Variants in UROC1 observed in about 807,000 individuals in gnomAD.
The protein encoded by UROC1 is urocanate hydratase.
A neutral mutation model predicts 89.5 loss-of-function variants in UROC1; 79 were observed. That is an observed-to-expected ratio of 0.88 (90% confidence interval 0.74 to 1.06). UROC1 has a LOEUF of 1.06. Ranked by LOEUF, UROC1 falls within the 50% of genes least tolerant of loss-of-function variation. The probability of loss-of-function intolerance (pLI) is 0.00; values close to 1 mark genes in which losing one functional copy is unlikely to be tolerated. For missense variants in UROC1, 885 were observed against 907.8 expected (o/e 0.97, Z 0.32); for synonymous variants, 361 against 354.8 (o/e 1.02, Z -0.20).
At chr3:126,504,144 A>G in intron 8 of UROC1, 61 bp from the exon 9 acceptor site, 1 of 1,553,148 alleles carries the variant, frequency 6.4e-7, no homozygotes, top group Non-Finnish European at 8.9e-7. Flanking sequence ...ATCTTCCCTA[A>G]GTGTATCATC....
chr3:126,489,331 G>A lies in UROC1; in HGVS notation c.1653C>T (p.Thr551=), dbSNP rs150326122. The A allele has an allele frequency of 1.8e-3, 2,927 of 1,613,554 alleles. 48 individuals carry two copies. The African/African-American group carries it at 0.035, about 19-fold the overall frequency. The change falls in exon 17 of 20, where the codon ACC becomes ACT. Residue 551 remains threonine, a synonymous_variant. Transcript: ENST00000290868. ...TGGAGGTCTCCCTAAAGGGGCTGTC[G>A]GTGCCGCTCACGTCATGGTGATCTC... ...LSRDHHDVSG[T]DSPFRETSNI...
At chr3:126,507,874 T>C in intron 5 of UROC1, 71 bp from the exon 6 acceptor site, 1 of 1,612,976 alleles carries the variant, frequency 6.2e-7, no homozygotes, top group Non-Finnish European at 8.5e-7. Context: ...CTGGGGATGA[T>C]GCACAGCGTT....
intron 1 of UROC1, among the ~76,000 whole-genome samples, chr3:126,513,161 T>TGTGTGA (rs1936230618): frequency 6.6e-6 from 1 of 152,116 alleles, no homozygotes. Flanking sequence ...TGTGTGTGTG[T>TGTGTGA]GTGTGTGTTC....
chr3:126,516,962 C>T (rs1204048444), intron 1 of UROC1, among the ~76,000 whole-genome samples: 1 of 151,874 alleles, frequency 6.6e-6, no homozygotes, highest in Non-Finnish European at 1.5e-5. Context: ...TCTATATAAC[C>T]GTGTCACCTA....
intron 9 of UROC1, among the ~76,000 whole-genome samples, chr3:126,502,765 TTG>T (rs1346576442): frequency 4.2e-5 from 6 of 142,470 alleles, no homozygotes; most frequent in Admixed American, 4.2e-4. Context: ...TTGTGTGTGT[TTG>T]TGTGTGCAAG....
At chr3:126,500,573 A>T in intron 11 of UROC1, 122 bp downstream of exon 11, 2 of 1,193,296 alleles carry the variant, frequency 1.7e-6, no homozygotes, top group Non-Finnish European at 2.5e-6. Context: ...AGAGGCTCAG[A>T]GAGGTTAAGG....
At chr3:126,496,922 G>A (rs1935790230) in intron 14 of UROC1, among the ~76,000 whole-genome samples, 1 of 152,134 alleles carries the variant, frequency 6.6e-6, no homozygotes, top group African/African-American at 2.4e-5. Flanking sequence ...AGCCAGGCCT[G>A]GAGTCTTTAC....
chr3:126,487,971 T>C (rs994770265), intron 18 of UROC1, among the ~76,000 whole-genome samples: 2 of 152,196 alleles, frequency 1.3e-5, no homozygotes, highest in Non-Finnish European at 2.9e-5. Flanking sequence ...GAGACCCATG[T>C]GGCAGGGGAG....
chr3:126,488,598 G>C (rs1935570834), intron 17 of UROC1, among the ~76,000 whole-genome samples: 1 of 152,232 alleles, frequency 6.6e-6, no homozygotes, highest in South Asian at 2.1e-4. Flanking sequence ...GAGAAGTAGA[G>C]TGCCAAAGAG....
At chr3:126,506,262 A>T (rs1936058615) in intron 6 of UROC1, among the ~76,000 whole-genome samples, 1 of 152,186 alleles carries the variant, frequency 6.6e-6, no homozygotes, top group Non-Finnish European at 1.5e-5. Flanking sequence ...ATTGGTGAAG[A>T]ATTGTTTTGG....
In UROC1 at chr3:126,517,642, C is replaced by T; in HGVS notation, c.78G>A (p.Val26=). The T allele has an allele frequency of 1.2e-6, 2 of 1,611,374 alleles. No individual in the cohort carries two copies. The highest frequency in any genetic ancestry group is 1.7e-6 in the Non-Finnish European group (2 of 1,179,406). Reference sequence around the variant, plus strand: ...TGGGGGTCCTGACAGGGGCATGGGGCACCCCAGCCTGGCGTCCCCGGTTCT... The same window carrying T: ...TGGGGGTCCTGACAGGGGCATGGGGTACCCCAGCCTGGCGTCCCCGGTTCT... ...LPENRGRQAG[V]PHAPVRTPSL... is the part of the protein sequence containing the mutation. The change falls in exon 1 of 20, where the codon GTG becomes GTA. Residue 26 remains valine, a synonymous_variant. Transcript: ENST00000290868.
At chr3:126,517,467 C>T in intron 1 of UROC1, 127 bp downstream of exon 1, 4 of 1,417,252 alleles carry the variant, frequency 2.8e-6, no homozygotes, top group Non-Finnish European at 3.9e-6. Context: ...CAGGCTGGAG[C>T]CCCTGGAGTC....
Position 126,482,364 on chromosome 3 carries a change from T to C in UROC1, c.2012A>G (p.Gln671Arg). The change falls in exon 20 of 20, where the codon CAG (glutamine) becomes CGG (arginine). Residue 671 changes from glutamine (Q) to arginine (R), a missense_variant. Coordinates refer to ENST00000290868, the MANE Select transcript of UROC1 (RefSeq NM_144639.3). Reference protein sequence around the residue: ...PHKVEDERVLQQALQL With the variant: ...PHKVEDERVLRQALQL ...GCTCCCTCAGAGCTGCAGGGCCTGC[T>C]GGAGCACCCGCTCGTCCTCCACCTT... is the stretch of plus-strand genomic sequence containing the variant. 1 of 1,613,474 alleles carries C rather than the reference T, an allele frequency of 6.2e-7. No individual in the cohort carries two copies. Among genetic ancestry groups the C allele is most frequent in the Non-Finnish European group, 8.5e-7 (1 of 1,179,916 alleles).
At chr3:126,505,146 G>A (rs1460554852) in intron 8 of UROC1, among the ~76,000 whole-genome samples, 1 of 152,184 alleles carries the variant, frequency 6.6e-6, no homozygotes, top group Admixed American at 6.5e-5. Context: ...AGAAGCAGAT[G>A]TGGGCACTAT....
chr3:126,510,881 A>C, intron 1 of UROC1, 87 bp from the exon 2 acceptor site: 2 of 1,539,332 alleles, frequency 1.3e-6, no homozygotes, highest in Middle Eastern at 2.3e-4. Flanking sequence ...CTCCTCCCAA[A>C]TGGATTTGTC....
intron 17 of UROC1, 97 bp downstream of exon 17, chr3:126,489,179 A>G: frequency 8.1e-7 from 1 of 1,227,404 alleles, no homozygotes; most frequent in Admixed American, 1.7e-5. Context: ...CTCAGGTGCC[A>G]GAACATCTTT....
chr3:126,491,758 AT>A (rs1204999823), intron 16 of UROC1, among the ~76,000 whole-genome samples: 1 of 152,246 alleles, frequency 6.6e-6, no homozygotes, highest in African/African-American at 2.4e-5. Flanking sequence ...GATTGGCAAA[AT>A]GAGCAAAAGC....
At position 126,508,471 on chromosome 3, in the gene UROC1, G is replaced by A. The variant is rs200128917; in HGVS notation, c.356C>T (p.Pro119Leu). 8.1e-6 allele frequency: 13 copies of A among 1,613,356 alleles called. No individual in the cohort carries two copies. The highest frequency in any genetic ancestry group is 1.7e-5 in the Admixed American group (1 of 59,944). ...NNLDPAVAQF[P>L]QELVTYGGNG... The stretch of plus-strand genomic sequence containing the variant: ...TCCTCCATAGGTCACCAGCTCCTGG[G>A]GAAACTGAGGAAGACACGGGGTCAT... Residue 119 changes from proline (P) to leucine (L), a missense_variant, in exon 4 of 20, where the codon CCC becomes CTC. By Grantham distance (98) the Pro-to-Leu change is moderately conservative. Transcript: ENST00000290868.
intron 10 of UROC1, 49 bp downstream of exon 10, chr3:126,501,169 G>GC: frequency 3.1e-6 from 5 of 1,598,562 alleles, no homozygotes; most frequent in Middle Eastern, 1.7e-4. Context: ...TGCTCAGGGG[G>GC]CCCCATCTGG....
Sources: gnomAD v4.1 joint callset for allele counts (sites outside exome capture counted in the v4.1 genomes callset) on GRCh38, gnomAD v4.1.1 for gene constraint, MANE v1.5 for transcripts, NCBI Gene and HGNC (gene_info 2026-07-23, HGNC 2026-07-21) for gene names.